The following AK8 variants were observed in gnomAD, a reference collection of about 807,000 sequenced individuals.
The protein encoded by AK8 is ATP-AMP transphosphorylase 8.
In AK8, 44 loss-of-function variants were observed where a neutral mutation model predicts 54.6. That is an observed-to-expected ratio of 0.81 (90% CI 0.63 to 1.04). AK8 has a LOEUF of 1.04. AK8 is among the 50% of genes least tolerant of loss of function. The pLI is 0.00. For synonymous variants in AK8, 239 were observed against 245.6 expected (o/e 0.97, Z 0.25); for missense variants, 555 against 613.6 (o/e 0.90, Z 1.01).
chr9:132,761,274 T>C (rs1478420059), intron 11 of AK8, among the ~76,000 whole-genome samples: 1 of 148,688 alleles, frequency 6.7e-6, no homozygotes, highest in East Asian at 1.9e-4. Context: ...CTTTTCTTTT[T>C]TTTTTTTTTT....
rs562094897 is a variant in AK8 at position 132,795,836 on chromosome 9, G to A, written c.980-3061C>T. Among the ~76,000 whole-genome samples the A allele has an allele frequency of 2.0e-5, 3 of 152,330 alleles. No homozygotes were observed. The East Asian group carries it at 5.8e-4, about 29-fold the overall frequency. On this transcript the variant is annotated intron_variant, in intron 10 of 12. Coordinates refer to ENST00000298545, the MANE Select transcript of AK8 (RefSeq NM_152572.3). ...AGGCTGATGGTTTGACCGGGCCTAG[G>A]ACGGCTACTAAGGAGGCCGCATTTG...
At chr9:132,779,788 T>C (rs1839381962) in intron 11 of AK8, among the ~76,000 whole-genome samples, 1 of 152,220 alleles carries the variant, frequency 6.6e-6, no homozygotes, top group Non-Finnish European at 1.5e-5. Flanking sequence ...GAAGGATAAA[T>C]GCAATCCCAT....
In AK8 at chr9:132,725,919, G is replaced by A; in HGVS notation, c.1209C>T (p.His403=). 3 of 1,610,960 alleles carry A rather than the reference G, an allele frequency of 1.9e-6. No homozygotes were observed. Among genetic ancestry groups the A allele is most frequent in the South Asian group, 1.1e-5 (1 of 90,400 alleles). ...TGGTGGGAGGTGGCTTGTACATGAG[G>A]TGGTACCTGCAAGGGAGGAAGGAAA... ...RIDPVTGERY[H]LMYKPPPTME... Residue 403 remains histidine, a synonymous_variant, in exon 13 of 13, where the codon CAC becomes CAT. Transcript: ENST00000298545.
At chr9:132,763,923 C>T (rs960922139) in intron 11 of AK8, among the ~76,000 whole-genome samples, 2 of 152,188 alleles carry the variant, frequency 1.3e-5, no homozygotes, top group Non-Finnish European at 2.9e-5. Flanking sequence ...AGGAAGATTT[C>T]AAATAACCTA....
At chr9:132,741,777 G>A (rs1837404926) in intron 11 of AK8, among the ~76,000 whole-genome samples, 1 of 152,044 alleles carries the variant, frequency 6.6e-6, no homozygotes, top group Non-Finnish European at 1.5e-5. Flanking sequence ...ACTCCAAAAG[G>A]CAACCCTGTA....
intron 5 of AK8, among the ~76,000 whole-genome samples, chr9:132,850,100 C>T (rs1483802490): frequency 7.1e-6 from 1 of 141,714 alleles, no homozygotes; most frequent in Non-Finnish European, 1.5e-5. Flanking sequence ...GTCACCCAGG[C>T]TGGAGTGCAG....
In AK8 at chr9:132,790,256, T is replaced by C. The variant is rs889215275; in HGVS notation, c.1121+2378A>G. Among the ~76,000 whole-genome samples the C allele has an allele frequency of 3.0e-5, 4 of 135,506 alleles. No individual in the cohort carries two copies. The highest frequency in any genetic ancestry group is 6.2e-5 in the Non-Finnish European group (4 of 64,234). The allele number at this position is 135,506 out of a possible 152,430, so 88.9% of individuals were successfully genotyped here. On this transcript the variant is annotated intron_variant, in intron 11 of 12. Coordinates refer to ENST00000298545, the MANE Select transcript of AK8 (RefSeq NM_152572.3). This position sits in a 1 kb window ranked among gnomAD's most constrained non-coding sequence, Gnocchi z 4.1. ...ATTTTAAATCACGGAGCTATACTTCTTTTTTTTTTTTTGAGACGGAGTCTC... is the reference window on the plus strand; with the variant it reads ...ATTTTAAATCACGGAGCTATACTTCCTTTTTTTTTTTTGAGACGGAGTCTC...
chr9:132,806,279 T>C (rs1840722856), intron 10 of AK8, among the ~76,000 whole-genome samples: 1 of 152,022 alleles, frequency 6.6e-6, no homozygotes, highest in Non-Finnish European at 1.5e-5. Context: ...CTTCCCAACT[T>C]ATCTTCAAAC....
chr9:132,772,525 C>A (rs1182138352), intron 11 of AK8, among the ~76,000 whole-genome samples: 1 of 152,218 alleles, frequency 6.6e-6, no homozygotes, highest in Non-Finnish European at 1.5e-5. Flanking sequence ...GAAACCAAAC[C>A]TGCTGGCACC....
In AK8 at chr9:132,790,318, T is replaced by TC. The variant is rs895039223; in HGVS notation, c.1121+2315dup. 5.9e-5 allele frequency among the ~76,000 whole-genome samples: 9 copies of TC among 152,016 alleles called. No individual in the cohort carries two copies. The highest frequency in any genetic ancestry group is 1.2e-4 in the Non-Finnish European group (8 of 68,002). On this transcript the variant is annotated intron_variant, in intron 11 of 12. Transcript: ENST00000298545. This position sits in a 1 kb window ranked among gnomAD's most constrained non-coding sequence, Gnocchi z 4.1. The stretch of plus-strand genomic sequence containing the variant: ...CAGGCTGGAGCGCAGTGGCGTGATC[T>TC]CAGCTCACTGCAAACTCCGCCTCCT...
chr9:132,810,378 AAAAC>A (rs902659615), intron 10 of AK8, among the ~76,000 whole-genome samples: 2 of 152,170 alleles, frequency 1.3e-5, no homozygotes, highest in Non-Finnish European at 2.9e-5. Flanking sequence ...CAAATAACAA[AAAAC>A]AAACACAAAA....
chr9:132,873,145 G>C (rs189382943), intron 2 of AK8, among the ~76,000 whole-genome samples: 2 of 152,286 alleles, frequency 1.3e-5, no homozygotes, highest in East Asian at 1.9e-4. Flanking sequence ...ATGGGGTTTT[G>C]CCATATTGGC....
intron 11 of AK8, among the ~76,000 whole-genome samples, chr9:132,778,172 C>T (rs1839308605): frequency 6.6e-6 from 1 of 152,156 alleles, no homozygotes; most frequent in Admixed American, 6.5e-5. Flanking sequence ...CACCATGGCG[C>T]ACACAGTCAA....
chr9:132,849,056 G>A (rs904122920), intron 5 of AK8, among the ~76,000 whole-genome samples: 1 of 151,718 alleles, frequency 6.6e-6, no homozygotes, highest in Admixed American at 6.6e-5. Context: ...CTACAGGCGC[G>A]TGCCACCACG....
At chr9:132,841,198 C>T (rs1490256376) in intron 5 of AK8, among the ~76,000 whole-genome samples, 2 of 152,238 alleles carry the variant, frequency 1.3e-5, no homozygotes, top group Admixed American at 1.3e-4. Context: ...CCCGAGCAGG[C>T]TGTCCACACC....
intron 10 of AK8, among the ~76,000 whole-genome samples, chr9:132,795,796 C>T (rs923465341): frequency 2.0e-5 from 3 of 152,182 alleles, no homozygotes; most frequent in Non-Finnish European, 4.4e-5. Flanking sequence ...TGAAGAAAAT[C>T]AACCAAATGA....
chr9:132,800,208 CCCGTCTCGCTGCCGTCA>C (rs1192055876), intron 10 of AK8, among the ~76,000 whole-genome samples: 1 of 152,206 alleles, frequency 6.6e-6, no homozygotes, highest in Non-Finnish European at 1.5e-5. Context: ...GGCCTGCAAG[CCCGTCTCGCTGCCGTCA>C]CCAGAAATCC....
intron 5 of AK8, among the ~76,000 whole-genome samples, chr9:132,844,577 G>C (rs548919295): frequency 6.6e-6 from 1 of 152,320 alleles, no homozygotes; most frequent in East Asian, 1.9e-4. Context: ...CACATAATTA[G>C]AAGTCTAACC....
chr9:132,852,792 A>G (rs201008543), intron 5 of AK8, among the ~76,000 whole-genome samples: 15 of 149,796 alleles, frequency 1.0e-4, no homozygotes, highest in South Asian at 8.4e-4. Flanking sequence ...AAAAAAAAAA[A>G]AAAGAAAGAA....
Sources: allele counts gnomAD v4.1 joint callset (sites outside exome capture counted in the v4.1 genomes callset), GRCh38; gene constraint gnomAD v4.1.1; non-coding constraint Gnocchi (gnomAD v3.1); transcripts MANE v1.5; gene names NCBI Gene and HGNC (gene_info 2026-07-23, HGNC 2026-07-21).